SLC13A2: variants seen among roughly 807,000 people sequenced by gnomAD.
SLC13A2 encodes solute carrier family 13 member 2.
SLC13A2 carries 40 observed loss-of-function variants against 58.5 expected under a neutral mutation model. The observed-to-expected ratio is 0.68, with a 90% CI of 0.53 to 0.89. The LOEUF (loss-of-function observed/expected upper bound fraction) is 0.89. Ranked by LOEUF, SLC13A2 falls within the 40% of genes least tolerant of loss-of-function variation. The pLI is 0.00. For synonymous variants in SLC13A2, 341 were observed against 331.6 expected (o/e 1.03, Z -0.31); for missense variants, 694 against 772.6 (o/e 0.90, Z 1.21).
intron 9 of SLC13A2, among the ~76,000 whole-genome samples, chr17:28,495,176 A>G (rs1437894278): frequency 1.3e-5 from 2 of 152,080 alleles, no homozygotes; most frequent in Non-Finnish European, 2.9e-5. Context: ...AAGACCTCGG[A>G]GCTCTTCTGA....
intron 1 of SLC13A2, among the ~76,000 whole-genome samples, chr17:28,483,654 T>TA (rs1305418428): frequency 1.3e-5 from 2 of 152,148 alleles, no homozygotes; most frequent in East Asian, 1.9e-4. Flanking sequence ...AAATTTTTTT[T>TA]AAAAAAACCT....
At chr17:28,477,286 C>T (rs1257696120) in intron 1 of SLC13A2, among the ~76,000 whole-genome samples, 1 of 150,114 alleles carries the variant, frequency 6.7e-6, no homozygotes, top group African/African-American at 2.5e-5. Context: ...CTCCGCCTCC[C>T]AGGTTCATGC....
At chr17:28,484,495 T>C (rs1420809393) in intron 1 of SLC13A2, among the ~76,000 whole-genome samples, 2 of 151,946 alleles carry the variant, frequency 1.3e-5, no homozygotes, top group Non-Finnish European at 2.9e-5. Context: ...TGTTAAGACA[T>C]GAGGCACAGA....
intron 1 of SLC13A2, among the ~76,000 whole-genome samples, chr17:28,484,316 A>G (rs1211927571): frequency 6.6e-6 from 1 of 152,184 alleles, no homozygotes; most frequent in Non-Finnish European, 1.5e-5. Context: ...TCAATATTTG[A>G]GCTGAGATCT....
At chr17:28,495,400 C>G (rs140277928) in intron 9 of SLC13A2, among the ~76,000 whole-genome samples, 1 of 152,160 alleles carries the variant, frequency 6.6e-6, no homozygotes, top group African/African-American at 2.4e-5. Flanking sequence ...CCCACCAAGC[C>G]CCAAATTTCC....
chr17:28,490,926 ACT>A lies in SLC13A2; in HGVS notation c.574+23_574+24del, dbSNP rs782003450. On this transcript the variant is annotated intron_variant, in intron 4 of 11. Transcript: ENST00000314669. ...AGCTTGGTGAGAAAAATGAGGCTAG[ACT>A]CTGCCCCAACCCCTTGGTTCTTGGA... 2.5e-6 allele frequency: 4 copies of A among 1,593,150 alleles called. No homozygotes were observed. The Admixed American group carries it at 5.2e-5, about 21-fold the overall frequency.
intron 1 of SLC13A2, among the ~76,000 whole-genome samples, chr17:28,487,725 AG>A (rs2068908897): frequency 6.6e-6 from 1 of 152,024 alleles, no homozygotes. Context: ...CTGCTGGGGG[AG>A]GAGGGGGCTG....
At chr17:28,492,129 C>G (rs961143309) in intron 6 of SLC13A2, among the ~76,000 whole-genome samples, 10 of 152,080 alleles carry the variant, frequency 6.6e-5, no homozygotes, top group Non-Finnish European at 1.2e-4. Context: ...ATGCCCCTTC[C>G]CATAATGGTC....
At position 28,496,373 on chromosome 17, in the gene SLC13A2, C is replaced by T; in HGVS notation, c.1471-77C>T. 1.3e-6 allele frequency: 2 copies of T among 1,506,574 alleles called. No homozygotes were observed. Among genetic ancestry groups the T allele is most frequent in the Non-Finnish European group, 1.8e-6 (2 of 1,122,448 alleles). The allele number at this position is 1,506,574 out of a possible 1,614,324, so 93.3% of individuals were successfully genotyped here. On this transcript the variant is annotated intron_variant, in intron 10 of 11. Coordinates refer to ENST00000314669, the MANE Select transcript of SLC13A2 (RefSeq NM_003984.4). This position sits in a 1 kb window ranked among gnomAD's most constrained non-coding sequence, Gnocchi z 4.2. ...GTACAGGGGTTGTTCCCCAGAGAAG[C>T]AGGAGAATTGGGGGCCATGCCCCTC...
chr17:28,492,810 A>G (rs1453572402), intron 6 of SLC13A2, among the ~76,000 whole-genome samples: 4 of 152,244 alleles, frequency 2.6e-5, no homozygotes, highest in Non-Finnish European at 5.9e-5. Flanking sequence ...GAGTGGTGGT[A>G]TGAGTGTTAC....
intron 11 of SLC13A2, 83 bp from the exon 12 acceptor site, chr17:28,497,016 T>C: frequency 2.8e-6 from 4 of 1,449,006 alleles, no homozygotes; most frequent in Non-Finnish European, 3.8e-6. Flanking sequence ...GTAGGAGGGC[T>C]CCTGTGCACC....
rs1002074271 is a variant in SLC13A2, at chr17:28,494,321, A to G, written c.1187-70A>G. 3.9e-5 allele frequency: 63 copies of G among 1,613,452 alleles called. No individual in the cohort carries two copies. The highest frequency in any genetic ancestry group is 5.2e-5 in the Non-Finnish European group (61 of 1,179,746). ...AGCTCCAAAAGGGACCCACACAGGG[A>G]GCCCGCAAATGGAGAGGGGAAAGGC... is the stretch of plus-strand genomic sequence containing the variant. On this transcript the variant is annotated intron_variant, in intron 8 of 11. Transcript: ENST00000314669. The surrounding 1 kb of genome is among the most constrained non-coding windows in gnomAD (Gnocchi z 4.0).
intron 2 of SLC13A2, 135 bp from the exon 3 acceptor site, chr17:28,490,319 C>A: frequency 6.2e-7 from 1 of 1,603,514 alleles, no homozygotes; most frequent in Non-Finnish European, 8.5e-7. Flanking sequence ...CATTCAGAGA[C>A]CATTTCCATC....
intron 1 of SLC13A2, among the ~76,000 whole-genome samples, chr17:28,481,790 TCTTCCTGGAAGAGA>T (rs1330171434): frequency 6.6e-6 from 1 of 152,188 alleles, no homozygotes; most frequent in Non-Finnish European, 1.5e-5. Context: ...ATCTGCCTAT[TCTTCCTGGAAGAGA>T]CTTCCATCCC....
chr17:28,476,239 C>G (rs1555599877), intron 1 of SLC13A2, among the ~76,000 whole-genome samples: 1 of 152,156 alleles, frequency 6.6e-6, no homozygotes, highest in African/African-American at 2.4e-5. Context: ...GATCCACTGT[C>G]TCCCCGGTCA....
chr17:28,473,988 C>CTTT (rs2068629922), intron 1 of SLC13A2, among the ~76,000 whole-genome samples, 174 bp downstream of exon 1: 3 of 152,172 alleles, frequency 2.0e-5, no homozygotes, highest in Non-Finnish European at 4.4e-5. Context: ...GTCAAAGGGG[C>CTTT]TTTTGCTTGG....
Position 28,494,208 on chromosome 17 carries a change from A to C in SLC13A2, c.1186+103A>C. The C allele has an allele frequency of 6.7e-7, 1 of 1,484,222 alleles. No homozygotes were observed. The highest frequency in any genetic ancestry group is 9.3e-7 in the Non-Finnish European group (1 of 1,070,306). The allele number at this position is 1,484,222 out of a possible 1,614,324, so 91.9% of individuals were successfully genotyped here. On this transcript the variant is annotated intron_variant, in intron 8 of 11. Transcript: ENST00000314669. The surrounding 1 kb of genome is among the most constrained non-coding windows in gnomAD (Gnocchi z 4.0). ...CTTGGCAGGAGTAGGCAAAGCCCAG[A>C]AAGGCTGGAGCGACTTGCCAAGGGC... is the stretch of plus-strand genomic sequence containing the variant.
intron 1 of SLC13A2, among the ~76,000 whole-genome samples, chr17:28,488,484 C>T (rs181506080): frequency 3.2e-4 from 48 of 152,320 alleles, no homozygotes; most frequent in African/African-American, 1.1e-3. Context: ...GGGGGGTGGG[C>T]CTCCATTCTT....
chr17:28,494,071 A>G lies in SLC13A2; in HGVS notation c.1152A>G (p.Ile384Met). The change falls in exon 8 of 12, where the codon ATA becomes ATG. Residue 384 changes from isoleucine (I) to methionine (M), a missense_variant. Transcript: ENST00000314669. The surrounding 1 kb of genome is among the most constrained non-coding windows in gnomAD (Gnocchi z 4.0). ...TCATCGGCATAATTATGTTCATCAT[A>G]CCCTCCAAGTTCCCAGGGCTGACCC... ...AIFIGIIMFI[I>M]PSKFPGLTQD... 1.9e-6 allele frequency: 3 copies of G among 1,613,970 alleles called. No individual in the cohort carries two copies. The highest frequency in any genetic ancestry group is 2.5e-6 in the Non-Finnish European group (3 of 1,179,992).
Sources: gnomAD v4.1 joint callset for allele counts (sites outside exome capture counted in the v4.1 genomes callset) on GRCh38, gnomAD v4.1.1 for gene constraint, Gnocchi (gnomAD v3.1) non-coding constraint, MANE v1.5 for transcripts, NCBI Gene and HGNC (gene_info 2026-07-23, HGNC 2026-07-21) for gene names.